Variants in MPZL3 observed in about 807,000 individuals in gnomAD.
MPZL3 encodes myelin protein zero like 3, also known as myelin protein zero-like protein 3.
A neutral mutation model predicts 24.8 loss-of-function variants in MPZL3; 23 were observed. That is an observed-to-expected ratio of 0.93 (90% CI 0.67 to 1.31). The LOEUF is 1.31. MPZL3 is among the 40% of genes most tolerant of loss of function. The pLI is 0.00. For synonymous variants in MPZL3, 99 were observed against 106.5 expected, an observed-to-expected ratio of 0.93 and a Z score of 0.44; for missense variants, 277 against 294.9, an observed-to-expected ratio of 0.94 and a Z score of 0.44.
chr11:118,240,855 A>T (rs1703822132), intron 1 of MPZL3, among the ~76,000 whole-genome samples: 1 of 152,088 alleles, frequency 6.6e-6, no homozygotes, highest in African/African-American at 2.4e-5. Context: ...TCATGAAGCT[A>T]CCATTGCCTC....
intron 1 of MPZL3, among the ~76,000 whole-genome samples, chr11:118,245,880 C>A (rs1393089677): frequency 6.6e-6 from 1 of 152,200 alleles, no homozygotes; most frequent in East Asian, 1.9e-4. Flanking sequence ...TTATCTGTGG[C>A]TGCATTTTTT....
intron 5 of MPZL3, among the ~76,000 whole-genome samples, chr11:118,230,408 A>T (rs1483125405): frequency 6.6e-6 from 1 of 152,184 alleles, no homozygotes. Context: ...GGATAATAAA[A>T]ATACACCTCA....
rs1949473206 is a variant in MPZL3, at chr11:118,240,067, A to G, written c.240+144T>C. On this transcript the variant is annotated intron_variant, in intron 2 of 5. Coordinates refer to ENST00000278949, the MANE Select transcript of MPZL3 (RefSeq NM_198275.3). The stretch of plus-strand genomic sequence containing the variant: ...CTGCGTGACCAAATGAATGTCATAT[A>G]GGATAAAAGTTCATCTATCTCTATT... 5.5e-6 allele frequency: 4 copies of G among 721,270 alleles called. No homozygotes were observed. In the East Asian group the frequency reaches 1.3e-4, roughly 24 times the overall value. 44.7% of individuals were successfully genotyped at this position (721,270 alleles called of 1,614,324 possible).
At chr11:118,237,967 T>A (rs959484656) in intron 2 of MPZL3, among the ~76,000 whole-genome samples, 9 of 152,068 alleles carry the variant, frequency 5.9e-5, no homozygotes, top group African/African-American at 2.2e-4. Flanking sequence ...TGAAACCCCA[T>A]CTCTACTAAA....
At chr11:118,233,405 G>A in intron 5 of MPZL3, 55 bp downstream of exon 5, 2 of 1,583,338 alleles carry the variant, frequency 1.3e-6, no homozygotes, top group Non-Finnish European at 1.7e-6. Flanking sequence ...GATCCTCTTA[G>A]GTAAGCAGGA....
chr11:118,246,587 T>TTTC (rs1555112613), intron 1 of MPZL3, among the ~76,000 whole-genome samples: 1 of 142,578 alleles, frequency 7.0e-6, no homozygotes, highest in Non-Finnish European at 1.5e-5. Flanking sequence ...TTTCTTTTCT[T>TTTC]TTTTTTTTTT....
chr11:118,240,113 ACT>A, intron 2 of MPZL3, 96 bp downstream of exon 2: 1 of 1,216,758 alleles, frequency 8.2e-7, no homozygotes, highest in Non-Finnish European at 1.1e-6. Context: ...CCCATCTTCT[ACT>A]CTAAGATGAG....
chr11:118,235,821 G>A (rs1408183306), intron 3 of MPZL3, among the ~76,000 whole-genome samples: 1 of 151,964 alleles, frequency 6.6e-6, no homozygotes, highest in East Asian at 1.9e-4. Flanking sequence ...TTCTTCTAGG[G>A]GTATCGGGTA....
chr11:118,236,599 T>C (rs1334362360), intron 3 of MPZL3, among the ~76,000 whole-genome samples: 1 of 152,218 alleles, frequency 6.6e-6, no homozygotes, highest in Non-Finnish European at 1.5e-5. Flanking sequence ...GGGAAACTAC[T>C]GTTCTTTGCA....
chr11:118,244,904 G>A (rs556303558), intron 1 of MPZL3, among the ~76,000 whole-genome samples: 112 of 152,166 alleles, frequency 7.4e-4, no homozygotes, highest in Admixed American at 1.9e-3. Flanking sequence ...GTGAAACCCC[G>A]TCTCTACTAA....
At chr11:118,250,168 ATTTTTTTTTTTTTT>A (rs71041823) in intron 1 of MPZL3, among the ~76,000 whole-genome samples, 1 of 104,260 alleles carries the variant, frequency 9.6e-6, no homozygotes, top group Non-Finnish European at 1.8e-5. Flanking sequence ...CACCTGGCTA[ATTTTTTTTTTTTTT>A]TTTTTTTTTT....
At chr11:118,233,390 G>C (rs1347658643) in intron 5 of MPZL3, 70 bp downstream of exon 5, 1 of 1,542,840 alleles carries the variant, frequency 6.5e-7, no homozygotes, top group African/African-American at 1.4e-5. Flanking sequence ...TGAGGGCATA[G>C]GATGGATCCT....
At chr11:118,240,783 A>ACACACACACT (rs1418485892) in intron 1 of MPZL3, among the ~76,000 whole-genome samples, 2,209 of 140,224 alleles carry the variant, frequency 0.016, 45 homozygotes, top group Middle Eastern at 0.048. Context: ...ACACACACAC[A>ACACACACACT]CTCTGGGAAT....
chr11:118,235,815 T>C (rs904042580), intron 3 of MPZL3, among the ~76,000 whole-genome samples: 1 of 152,196 alleles, frequency 6.6e-6, no homozygotes, highest in Non-Finnish European at 1.5e-5. Flanking sequence ...TTAATCTTCT[T>C]CTAGGGGTAT....
rs1448136780 is a variant in MPZL3 at position 118,237,041 on chromosome 11, T to A, written c.451+9A>T. 1.3e-6 allele frequency: 2 copies of A among 1,595,754 alleles called. No homozygotes were observed. The highest frequency in any genetic ancestry group is 1.7e-6 in the Non-Finnish European group (2 of 1,163,380). On this transcript the variant is annotated intron_variant, in intron 3 of 5. Transcript: ENST00000278949. ...CACTGCAGAAGAAGGTTGGTGGCAA[T>A]GAGCTTACCCCTTTCTGTGACTGTT...
At chr11:118,238,804 G>A (rs1355394113) in intron 2 of MPZL3, among the ~76,000 whole-genome samples, 1 of 152,120 alleles carries the variant, frequency 6.6e-6, no homozygotes, top group Non-Finnish European at 1.5e-5. Context: ...GATAAAGACA[G>A]ATAATGAGAA....
intron 3 of MPZL3, among the ~76,000 whole-genome samples, chr11:118,236,217 C>T (rs1013878466): frequency 1.3e-5 from 2 of 151,960 alleles, no homozygotes; most frequent in Non-Finnish European, 2.9e-5. Flanking sequence ...CTTCTGCCAG[C>T]AGTATGAATG....
chr11:118,246,199 T>C (rs1053093270), intron 1 of MPZL3, among the ~76,000 whole-genome samples: 1 of 152,212 alleles, frequency 6.6e-6, no homozygotes, highest in Admixed American at 6.5e-5. Flanking sequence ...AGCCTGAATA[T>C]ACAGTCATTC....
rs767727629 is a variant in MPZL3, at chr11:118,237,146, T to A, written c.355A>T (p.Thr119Ser). 6.2e-7 allele frequency: 1 copy of A among 1,613,984 alleles called. No individual in the cohort carries two copies. Among genetic ancestry groups the A allele is most frequent in the Non-Finnish European group, 8.5e-7 (1 of 1,179,982 alleles). Reference protein sequence around the residue: ...GDASISISNPTIKDNGTFSCA... With the variant: ...GDASISISNPSIKDNGTFSCA... ...CTGAATGTCCCATTGTCCTTTATGG[T>A]AGGGTTGCTTATACTTATAGATGCA... The change falls in exon 3 of 6, where the codon ACC becomes TCC. Residue 119 changes from threonine (T) to serine (S), a missense_variant. Coordinates refer to ENST00000278949, the MANE Select transcript of MPZL3 (RefSeq NM_198275.3).
Sources: allele counts gnomAD v4.1 joint callset (sites outside exome capture counted in the v4.1 genomes callset), GRCh38; gene constraint gnomAD v4.1.1; transcripts MANE v1.5; gene names NCBI Gene and HGNC (gene_info 2026-07-23, HGNC 2026-07-21).